Variants in UGT1A4 observed in about 807,000 individuals in gnomAD.
The protein encoded by UGT1A4 is UDP glucuronosyltransferase family 1 member A4, also known as UDP-glucuronosyltransferase 1A4.
Under a neutral mutation model 41.1 loss-of-function variants are expected in UGT1A4, and 32 were observed. The observed-to-expected ratio is 0.78, with a 90% confidence interval of 0.59 to 1.05. UGT1A4 has a LOEUF of 1.05. Among genes scored for constraint, UGT1A4 ranks in the 50% least tolerant of loss-of-function variants. The probability of loss-of-function intolerance (pLI) is 0.00; values close to 1 mark genes in which losing one functional copy is unlikely to be tolerated. For synonymous variants in UGT1A4, 283 were observed against 265.1 expected (o/e 1.07, Z -0.66); for missense variants, 748 against 677.4 (o/e 1.10, Z -1.16).
intron 1 of UGT1A4, among the ~76,000 whole-genome samples, chr2:233,724,154 G>A (rs1327662182): frequency 4.4e-3 from 337 of 76,566 alleles, no homozygotes; most frequent in Admixed American, 6.4e-3. Context: ...CTGGCCGGGT[G>A]GGGGGGCTGA....
intron 1 of UGT1A4, chr2:233,753,210 T>TAGAC (rs1695156471): frequency 2.0e-5 from 3 of 152,224 alleles, no homozygotes; most frequent in African/African-American, 4.8e-5. Flanking sequence ...ACAGTCTGTC[T>TAGAC]TATTTTGATA....
At chr2:233,724,269 CGGCTGGCCGGGCGGGG>C (rs2077201800) in intron 1 of UGT1A4, among the ~76,000 whole-genome samples, 1 of 124,806 alleles carries the variant, frequency 8.0e-6, no homozygotes, top group Non-Finnish European at 1.7e-5. Flanking sequence ...CCGGACGGGG[CGGCTGGCCGGGCGGGG>C]GGCTGACCCC....
chr2:233,761,546 G>A (rs1697796734), intron 1 of UGT1A4, among the ~76,000 whole-genome samples: 1 of 152,224 alleles, frequency 6.6e-6, no homozygotes, highest in Admixed American at 6.5e-5. Flanking sequence ...ATTCTTTGAT[G>A]ATGATAGATC....
intron 1 of UGT1A4, among the ~76,000 whole-genome samples, chr2:233,732,068 C>T (rs1485941196): frequency 6.6e-6 from 1 of 152,198 alleles, no homozygotes; most frequent in Non-Finnish European, 1.5e-5. Flanking sequence ...TGTCTGTTGG[C>T]TGCATAAATG....
intron 1 of UGT1A4, among the ~76,000 whole-genome samples, chr2:233,730,198 G>A (rs544900257): frequency 2.0e-5 from 3 of 152,306 alleles, no homozygotes; most frequent in South Asian, 4.2e-4. Context: ...CTGAGAGGAA[G>A]AGGAAGTAGA....
intron 1 of UGT1A4, among the ~76,000 whole-genome samples, chr2:233,756,943 A>G (rs1162189517): frequency 6.6e-6 from 1 of 152,066 alleles, no homozygotes; most frequent in Non-Finnish European, 1.5e-5. Context: ...CATAACCTGA[A>G]ACCCGGACTT....
At position 233,718,885 on chromosome 2, in the gene UGT1A4, T is replaced by C. The variant is rs774756189; in HGVS notation, c.65T>C (p.Val22Ala). ...ACAGGACTGCTGCTCCTCCTCAGTG[T>C]CCAGCCCTGGGCTGAGAGTGGAAAG... ...LATGLLLLLS[V>A]QPWAESGKVL... is the part of the protein sequence containing the mutation. The change falls in exon 1 of 5, where the codon GTC becomes GCC. Residue 22 changes from valine to alanine, a missense_variant. Transcript: ENST00000373409. The C allele has an allele frequency of 6.2e-6, 10 of 1,613,986 alleles. No individual in the cohort carries two copies. Among genetic ancestry groups the C allele is most frequent in the Middle Eastern group, 1.7e-4 (1 of 5,990 alleles).
At chr2:233,760,301 C>G (rs1697391714) in intron 1 of UGT1A4, 1 of 1,613,532 alleles carries the variant, frequency 6.2e-7, no homozygotes, top group South Asian at 1.1e-5. Flanking sequence ...GCTGTGGAGT[C>G]CCAGGGCGGA....
At position 233,718,776 on chromosome 2, in the gene UGT1A4, G is replaced by A; in HGVS notation, c.-45G>A. 1 of 1,612,920 alleles carries A rather than the reference G, an allele frequency of 6.2e-7. No individual in the cohort carries two copies. The highest frequency in any genetic ancestry group is 2.0e-4 in the Middle Eastern group (1 of 5,012). On this transcript the variant is annotated 5_prime_UTR_variant, in exon 1 of 5. Transcript: ENST00000373409. ...AAGGCGAAGGAAACAAATGTAGCAG[G>A]CACAGCGTGGGGTGGACAGTCAGCT...
intron 1 of UGT1A4, among the ~76,000 whole-genome samples, chr2:233,724,344 C>A (rs2077229957): frequency 6.9e-6 from 1 of 144,926 alleles, no homozygotes; most frequent in Non-Finnish European, 1.5e-5. Context: ...GGGCTGACCC[C>A]CCCCACCTCC....
chr2:233,727,334 C>G (rs2077606253), intron 1 of UGT1A4, among the ~76,000 whole-genome samples: 1 of 152,132 alleles, frequency 6.6e-6, no homozygotes, highest in South Asian at 2.1e-4. Context: ...GGAGCTCCTC[C>G]CTCCCCATAG....
chr2:233,751,854 T>C (rs1435480079), intron 1 of UGT1A4, among the ~76,000 whole-genome samples: 3 of 152,196 alleles, frequency 2.0e-5, no homozygotes, highest in Non-Finnish European at 4.4e-5. Context: ...TAAACCTTTG[T>C]CTTTTATAAA....
intron 1 of UGT1A4, chr2:233,730,084 A>T: frequency 6.2e-7 from 1 of 1,601,106 alleles, no homozygotes. Flanking sequence ...ATATTTACTT[A>T]TCTTTCCAAA....
chr2:233,734,271 G>A (rs1203076441), intron 1 of UGT1A4, among the ~76,000 whole-genome samples: 2 of 152,098 alleles, frequency 1.3e-5, no homozygotes, highest in Admixed American at 1.3e-4. Context: ...ATGTGTCCAG[G>A]AATTTATCCA....
intron 1 of UGT1A4, among the ~76,000 whole-genome samples, chr2:233,725,696 T>C (rs1461246019): frequency 6.6e-6 from 1 of 152,258 alleles, no homozygotes; most frequent in Non-Finnish European, 1.5e-5. Context: ...AATAGTCATA[T>C]GTAGTTAGTG....
chr2:233,736,493 C>T (rs1043320010), intron 1 of UGT1A4, among the ~76,000 whole-genome samples: 3 of 152,222 alleles, frequency 2.0e-5, no homozygotes, highest in Non-Finnish European at 2.9e-5. Flanking sequence ...TACTACCAAA[C>T]TTCTGAAGCC....
At chr2:233,751,023 A>T (rs193102367) in intron 1 of UGT1A4, among the ~76,000 whole-genome samples, 1 of 151,978 alleles carries the variant, frequency 6.6e-6, no homozygotes, top group East Asian at 1.9e-4. Flanking sequence ...TAGTAGATCC[A>T]ATAGCTTGCA....
In UGT1A4 at chr2:233,724,657, C is replaced by T. The variant is rs536267654; in HGVS notation, c.867+4970C>T. 3.3e-4 allele frequency among the ~76,000 whole-genome samples: 47 copies of T among 142,730 alleles called. 7 individuals are homozygous for T. The East Asian group carries it at 7.4e-3, about 23-fold the overall frequency. 93.6% of individuals were successfully genotyped at this position (142,730 alleles called of 152,430 possible). On this transcript the variant is annotated intron_variant, in intron 1 of 4. Transcript: ENST00000373409. The stretch of plus-strand genomic sequence containing the variant: ...AGATGTGATGGCGGCTGGGAAGAGG[C>T]GCTCCTCACTTCCTAGATGGGATGG...
chr2:233,746,319 G>C (rs1444609554), intron 1 of UGT1A4, among the ~76,000 whole-genome samples: 1 of 151,794 alleles, frequency 6.6e-6, no homozygotes, highest in Admixed American at 6.5e-5. Flanking sequence ...CCCTGTAGAT[G>C]ATCTACAGGG....
Sources: allele counts gnomAD v4.1 joint callset (sites outside exome capture counted in the v4.1 genomes callset), GRCh38; gene constraint gnomAD v4.1.1; transcripts MANE v1.5; gene names NCBI Gene and HGNC (gene_info 2026-07-23, HGNC 2026-07-21).